KIRREL3: variants seen among roughly 807,000 people sequenced by gnomAD.
KIRREL3 encodes kin of IRRE-like protein 3.
In KIRREL3, 36 loss-of-function variants were observed where a neutral mutation model predicts 89.7. That is an observed-to-expected ratio of 0.40 (90% CI 0.31 to 0.53). The LOEUF (loss-of-function observed/expected upper bound fraction) is 0.53, where lower values mean the gene tolerates loss of function less well. KIRREL3 is among the 20% of genes least tolerant of loss of function. KIRREL3 has a pLI of 0.49. For synonymous variants in KIRREL3, 445 were observed against 441.4 expected, an observed-to-expected ratio of 1.01 and a Z score of -0.10; for missense variants, 864 against 1,056.6, an observed-to-expected ratio of 0.82 and a Z score of 2.53.
At chr11:126,448,709 AAG>A (rs1276257661) in intron 8 of KIRREL3, among the ~76,000 whole-genome samples, 1 of 152,146 alleles carries the variant, frequency 6.6e-6, no homozygotes, top group Non-Finnish European at 1.5e-5. Flanking sequence ...GCAAGCCAGG[AAG>A]AGAGTCCCCA....
intron 11 of KIRREL3, 87 bp from the exon 12 acceptor site, chr11:126,437,096 T>A: frequency 8.0e-7 from 1 of 1,246,210 alleles, no homozygotes; most frequent in Non-Finnish European, 1.1e-6. Context: ...ACTGTCCTGC[T>A]CATGTTCATG....
At chr11:126,542,314 T>G (rs1409904073) in intron 2 of KIRREL3, among the ~76,000 whole-genome samples, 1 of 152,108 alleles carries the variant, frequency 6.6e-6, no homozygotes. Flanking sequence ...GGCAACGTCC[T>G]GGGTTTCTCC....
At position 126,814,300 on chromosome 11, in the gene KIRREL3, T is replaced by C. The variant is rs1951488668; in HGVS notation, c.55+186155A>G. On this transcript the variant is annotated intron_variant, in intron 1 of 16. Transcript: ENST00000525144. The surrounding 1 kb of genome is among the most constrained non-coding windows in gnomAD (Gnocchi z 4.4). ...GAGGTTATGGAGAAAAAGGAATGCT[T>C]TTACACTGTTGGTGGGAGTGTAAAT... is the stretch of plus-strand genomic sequence containing the variant. Among the ~76,000 whole-genome samples the C allele has an allele frequency of 6.6e-6, 1 of 152,196 alleles. No individual in the cohort carries two copies. The highest frequency in any genetic ancestry group is 2.4e-5 in the African/African-American group (1 of 41,440).
intron 4 of KIRREL3, among the ~76,000 whole-genome samples, chr11:126,510,012 AAAAAAAGAAAAAAG>A (rs1489081152): frequency 7.5e-6 from 1 of 134,012 alleles, no homozygotes; most frequent in African/African-American, 3.0e-5. Context: ...AAAAAAAAAA[AAAAAAAGAAAAAAG>A]AAAAAAAGAA....
At chr11:126,714,152 G>T (rs932494642) in intron 1 of KIRREL3, among the ~76,000 whole-genome samples, 2 of 152,136 alleles carry the variant, frequency 1.3e-5, no homozygotes, top group South Asian at 2.1e-4. Flanking sequence ...GACAGTCAGT[G>T]CCTCCCTCAA....
Position 126,424,937 on chromosome 11 carries a change from G to T in KIRREL3, c.1980C>A (p.Asp660Glu), listed in dbSNP as rs1031774714. Residue 660 changes from aspartate (D) to glutamate (E), a missense_variant, in exon 17 of 17, where the codon GAC (aspartate) becomes GAA (glutamate). Physicochemically the swap from Asp to Glu is conservative, Grantham distance 45. Coordinates refer to ENST00000525144, the MANE Select transcript of KIRREL3 (RefSeq NM_032531.4). ...CACGCTGCTTGCCCGCAGGACGCAG[G>T]TCGGGCTGGCAGCTGGAGAGGGAGA... ...PTISLSSCQPDLRPAGKQRVP... is the reference protein window; with the variant it reads ...PTISLSSCQPELRPAGKQRVP... 7 of 1,600,442 alleles carry T rather than the reference G, an allele frequency of 4.4e-6. No homozygotes were observed. Among genetic ancestry groups the T allele is most frequent in the Middle Eastern group, 1.7e-4 (1 of 6,012 alleles).
chr11:126,597,994 G>A (rs1489690199), intron 1 of KIRREL3, among the ~76,000 whole-genome samples: 1 of 152,242 alleles, frequency 6.6e-6, no homozygotes, highest in Non-Finnish European at 1.5e-5. Context: ...ACCCCTAAGA[G>A]AAGTAGAGAC....
At position 126,429,962 on chromosome 11, in the gene KIRREL3, C is replaced by T. The variant is rs1216995125; in HGVS notation, c.1697-674G>A. The stretch of plus-strand genomic sequence containing the variant: ...CCAGCCTGGCCAACATGGTGAAACC[C>T]CGTCTCTATTAAAAATCCAAAAATT... On this transcript the variant is annotated intron_variant, in intron 14 of 16. Coordinates refer to ENST00000525144, the MANE Select transcript of KIRREL3 (RefSeq NM_032531.4). This position sits in a 1 kb window ranked among gnomAD's most constrained non-coding sequence, Gnocchi z 5.2. 1.3e-5 allele frequency among the ~76,000 whole-genome samples: 2 copies of T among 151,556 alleles called. No individual in the cohort carries two copies. Among genetic ancestry groups the T allele is most frequent in the Non-Finnish European group, 2.9e-5 (2 of 67,962 alleles).
chr11:126,934,047 T>C (rs1948072115), intron 1 of KIRREL3, among the ~76,000 whole-genome samples: 1 of 151,558 alleles, frequency 6.6e-6, no homozygotes, highest in Admixed American at 6.6e-5. Context: ...CATTTAAATT[T>C]CCTGGTTTTA....
intron 8 of KIRREL3, among the ~76,000 whole-genome samples, chr11:126,447,422 G>A (rs1955862243): frequency 6.6e-6 from 1 of 152,198 alleles, no homozygotes; most frequent in Non-Finnish European, 1.5e-5. Flanking sequence ...TGGGGGCTCT[G>A]AGATGCAGGG....
intron 1 of KIRREL3, among the ~76,000 whole-genome samples, chr11:126,829,475 G>A (rs1943530596): frequency 6.7e-6 from 1 of 148,512 alleles, no homozygotes. Context: ...CAGCTCAGAG[G>A]TAGAGTAAGC....
chr11:126,701,108 T>TA (rs1445775485), intron 1 of KIRREL3, among the ~76,000 whole-genome samples: 1 of 152,224 alleles, frequency 6.6e-6, no homozygotes, highest in Non-Finnish European at 1.5e-5. Context: ...ACAAGGTAGC[T>TA]ACAATGAAAT....
chr11:126,823,021 C>T (rs1943280962), intron 1 of KIRREL3, among the ~76,000 whole-genome samples: 1 of 152,106 alleles, frequency 6.6e-6, no homozygotes, highest in Admixed American at 6.5e-5. Flanking sequence ...TCCAATCCAC[C>T]ACTCATCTTT....
At chr11:126,577,745 G>A (rs1032232371) in intron 1 of KIRREL3, among the ~76,000 whole-genome samples, 1 of 151,744 alleles carries the variant, frequency 6.6e-6, no homozygotes, top group African/African-American at 2.4e-5. Context: ...CTAGGCAACA[G>A]AGTAAGACTC....
rs372875323 is a variant in KIRREL3 at position 126,698,617 on chromosome 11, A to G, written c.56-135705T>C. On this transcript the variant is annotated intron_variant, in intron 1 of 16. Coordinates refer to ENST00000525144, the MANE Select transcript of KIRREL3 (RefSeq NM_032531.4). ...TTAGAGTGTCTTAGGTGTCAAGGCCAGGGTTCTGCTGCGTGAGGAGGAAGA... is the reference window on the plus strand; with the variant it reads ...TTAGAGTGTCTTAGGTGTCAAGGCCGGGGTTCTGCTGCGTGAGGAGGAAGA... Among the ~76,000 whole-genome samples, 3 of 152,332 alleles carry G rather than the reference A, an allele frequency of 2.0e-5. No homozygotes were observed. In the East Asian group the frequency reaches 5.8e-4, roughly 29 times the overall value.
At chr11:126,947,811 A>ATGGC (rs1386230529) in intron 1 of KIRREL3, among the ~76,000 whole-genome samples, 2 of 152,220 alleles carry the variant, frequency 1.3e-5, no homozygotes, top group African/African-American at 4.8e-5. Context: ...CTCCAAAACA[A>ATGGC]TGGCTGGCTG....
chr11:126,730,287 C>G (rs960212637), intron 1 of KIRREL3, among the ~76,000 whole-genome samples: 1 of 152,212 alleles, frequency 6.6e-6, no homozygotes, highest in Non-Finnish European at 1.5e-5. Flanking sequence ...ATGAGTTACT[C>G]ACCTTCTCCT....
intron 1 of KIRREL3, among the ~76,000 whole-genome samples, chr11:126,835,656 G>C (rs996057804): frequency 1.8e-4 from 27 of 152,120 alleles, no homozygotes; most frequent in African/African-American, 6.3e-4. Flanking sequence ...GCTCAGAGGG[G>C]GACACAGATT....
At chr11:126,691,710 A>G (rs1313356127) in intron 1 of KIRREL3, among the ~76,000 whole-genome samples, 1 of 152,266 alleles carries the variant, frequency 6.6e-6, no homozygotes, top group Non-Finnish European at 1.5e-5. Context: ...GTAGAGGAAG[A>G]GAAAGGATGC....
Sources: allele counts gnomAD v4.1 joint callset (sites outside exome capture counted in the v4.1 genomes callset), GRCh38; gene constraint gnomAD v4.1.1; non-coding constraint Gnocchi (gnomAD v3.1); transcripts MANE v1.5; gene names NCBI Gene and HGNC (gene_info 2026-07-23, HGNC 2026-07-21).